Variants in LAD1 observed in about 807,000 individuals in gnomAD.
The protein encoded by LAD1 is ladinin 1, also known as ladinin-1.
A neutral mutation model predicts 54.2 loss-of-function variants in LAD1; 53 were observed. That is an observed-to-expected ratio of 0.98 (90% CI 0.78 to 1.23). The LOEUF (loss-of-function observed/expected upper bound fraction) is 1.23. Ranked by LOEUF, LAD1 falls within the 50% of genes most tolerant of loss-of-function variation. The pLI, the probability that LAD1 is intolerant of heterozygous loss-of-function variation, is 0.00. For synonymous variants in LAD1, 231 were observed against 257.7 expected, an observed-to-expected ratio of 0.90 and a Z score of 0.99; for missense variants, 637 against 653.3, an observed-to-expected ratio of 0.98 and a Z score of 0.27.
Position 201,392,829 on chromosome 1 carries a change from A to G in LAD1, c.39-3526T>C, listed in dbSNP as rs1214000328. ...TTGAAAGGGCCAGGGGAGAGGGGAA[A>G]CAGAGGACCCGTCAGAAGGCACCTG... On this transcript the variant is annotated intron_variant, in intron 1 of 9. Transcript: ENST00000391967. Among the ~76,000 whole-genome samples, 3 of 150,880 alleles carry G rather than the reference A, an allele frequency of 2.0e-5. No homozygotes were observed. In the East Asian group the frequency reaches 5.8e-4, roughly 29 times the overall value.
intron 5 of LAD1, 24 bp from the exon 6 acceptor site, chr1:201,383,413 G>A: frequency 6.2e-7 from 1 of 1,612,958 alleles, no homozygotes; most frequent in Non-Finnish European, 8.5e-7. Flanking sequence ...GATGGAACAG[G>A]CGAGCCAAGT....
At chr1:201,396,728 T>C (rs1662297297) in intron 1 of LAD1, among the ~76,000 whole-genome samples, 1 of 152,164 alleles carries the variant, frequency 6.6e-6, no homozygotes, top group Non-Finnish European at 1.5e-5. Context: ...GCCCATGACC[T>C]TGGCCAGTCT....
At chr1:201,389,446 G>T in intron 1 of LAD1, 143 bp from the exon 2 acceptor site, 2 of 940,202 alleles carry the variant, frequency 2.1e-6, no homozygotes, top group East Asian at 2.6e-5. Flanking sequence ...TTGAAACGTG[G>T]CTGGTGTGAA....
chr1:201,382,743 A>C lies in LAD1; in HGVS notation c.1387-4T>G, dbSNP rs1309281088. 6.3e-6 allele frequency: 10 copies of C among 1,589,864 alleles called. No individual in the cohort carries two copies. Among genetic ancestry groups the C allele is most frequent in the Non-Finnish European group, 8.6e-6 (10 of 1,166,756 alleles). ...CCCCTGAGAGCCTCAAGTTCTCCTA[A>C]AAAGAGAACTTTCCATCTCAGGGTT... is the stretch of plus-strand genomic sequence containing the variant. On this transcript the variant is annotated splice_polypyrimidine_tract_variant and splice_region_variant and intron_variant, in intron 7 of 9. Coordinates refer to ENST00000391967, the MANE Select transcript of LAD1 (RefSeq NM_005558.4).
At position 201,385,818 on chromosome 1, in the gene LAD1, G is replaced by A. The variant is rs976290370; in HGVS notation, c.1027-13C>T. ...TGGGGATTTTCACCTGGATGGAGCA[G>A]GGGGAGTGTCACATAAGAGGTCTAG... On this transcript the variant is annotated splice_polypyrimidine_tract_variant and intron_variant, in intron 3 of 9. Transcript: ENST00000391967. 1.1e-5 allele frequency: 17 copies of A among 1,596,144 alleles called. No individual in the cohort carries two copies. The highest frequency in any genetic ancestry group is 1.3e-5 in the Non-Finnish European group (15 of 1,163,722).
chr1:201,390,380 A>G (rs1324850901), intron 1 of LAD1, among the ~76,000 whole-genome samples: 1 of 151,504 alleles, frequency 6.6e-6, no homozygotes, highest in African/African-American at 2.4e-5. Flanking sequence ...CAAAAAAAAA[A>G]AAAAAAATTA....
rs899636969 is a variant in LAD1 at position 201,389,281 on chromosome 1, C to T, written c.61G>A (p.Glu21Lys). Reference protein sequence around the residue: ...LSSLARQRTLEDEEEQERERR... With the variant: ...LSSLARQRTLKDEEEQERERR... ...TCGCGCTCCTGTTCCTCCTCATCCTCCAGAGTCCTCTGCCGGGCAAGGCTG... is the reference window on the plus strand; with the variant it reads ...TCGCGCTCCTGTTCCTCCTCATCCTTCAGAGTCCTCTGCCGGGCAAGGCTG... Residue 21 changes from glutamate (E) to lysine (K), a missense_variant, in exon 2 of 10, where the codon GAG becomes AAG. Transcript: ENST00000391967. 1.9e-6 allele frequency: 3 copies of T among 1,613,530 alleles called. No homozygotes were observed. The Admixed American group carries it at 5.0e-5, about 27-fold the overall frequency.
At position 201,386,635 on chromosome 1, in the gene LAD1, C is replaced by T. The variant is rs569678759; in HGVS notation, c.726G>A (p.Ser242=). ...AGCCCAGTGCCATCCCTGGGGCCAG[C>T]GACTTCTCAGAGACACTGGTTTTTT... ...VLEKTSVSEK[S]LAPGMALGSG... The change falls in exon 3 of 10, where the codon TCG becomes TCA. Residue 242 remains serine (S), a synonymous_variant. Coordinates refer to ENST00000391967, the MANE Select transcript of LAD1 (RefSeq NM_005558.4). 2.7e-5 allele frequency: 43 copies of T among 1,614,148 alleles called. No individual in the cohort carries two copies. Among genetic ancestry groups the T allele is most frequent in the South Asian group, 1.5e-4 (14 of 91,080 alleles).
chr1:201,389,182 G>T lies in LAD1; in HGVS notation c.160C>A (p.Arg54=). The change falls in exon 2 of 10, where the codon CGG becomes AGG. Residue 54 remains arginine, a synonymous_variant. Transcript: ENST00000391967. ...TACCTCTCAGAAGCAGAGGCCTGCC[G>T]GTCTCCATTCTGGCTGAGCCTGGGA... ...EAPRLSQNGD[R]QASASERLPS... The T allele has an allele frequency of 1.2e-6, 2 of 1,614,164 alleles. No individual in the cohort carries two copies. The highest frequency in any genetic ancestry group is 8.5e-7 in the Non-Finnish European group (1 of 1,179,994).
At chr1:201,399,168 TG>T in intron 1 of LAD1, 100 bp downstream of exon 1, 1 of 987,624 alleles carries the variant, frequency 1.0e-6, no homozygotes. Flanking sequence ...CCAGCCTCAG[TG>T]TCAGGGTCCC....
intron 3 of LAD1, 105 bp from the exon 4 acceptor site, chr1:201,385,910 A>T (rs1662072798): frequency 1.2e-6 from 1 of 820,546 alleles, no homozygotes; most frequent in Admixed American, 1.8e-5. Context: ...AGAGGGGAGA[A>T]TGAGACAGCC....
chr1:201,393,438 A>C (rs550809015), intron 1 of LAD1, among the ~76,000 whole-genome samples: 1 of 152,360 alleles, frequency 6.6e-6, no homozygotes, highest in African/African-American at 2.4e-5. Flanking sequence ...AACTCTTTTG[A>C]GAAGCAAATA....
chr1:201,398,267 A>C (rs1372947025), intron 1 of LAD1, among the ~76,000 whole-genome samples: 2 of 152,164 alleles, frequency 1.3e-5, no homozygotes, highest in Admixed American at 1.3e-4. Flanking sequence ...ACAGGACCCA[A>C]ATGGCTGGAG....
chr1:201,383,741 A>ATGGC (rs1274547148), intron 5 of LAD1, among the ~76,000 whole-genome samples: 1 of 151,976 alleles, frequency 6.6e-6, no homozygotes. Flanking sequence ...AGCTCTCCAC[A>ATGGC]TGGCTGCTCC....
chr1:201,388,334 G>A (rs1244471223), intron 2 of LAD1, among the ~76,000 whole-genome samples: 1 of 151,652 alleles, frequency 6.6e-6, no homozygotes, highest in Non-Finnish European at 1.5e-5. Context: ...GTTGCAGTGA[G>A]CCAAGATTGC....
Position 201,383,185 on chromosome 1 carries a change from A to T in LAD1, c.1275T>A (p.Gly425=), listed in dbSNP as rs1185511780. The T allele has an allele frequency of 6.2e-7, 1 of 1,613,474 alleles. No individual in the cohort carries two copies. The highest frequency in any genetic ancestry group is 2.2e-5 in the East Asian group (1 of 44,842). ...CCACGAATAACTCAGTGCAAGGCAG[A>T]CCCCGAGACTTGACAGATTCTGATC... The part of the protein sequence containing the change: ...IRRSESVKSR[G]LPCTELFVAP... Residue 425 remains glycine (G), a synonymous_variant, in exon 7 of 10, where the codon GGT becomes GGA. Transcript: ENST00000391967.
intron 1 of LAD1, chr1:201,397,414 GCTTCCTGGCA>G (rs1403604991): frequency 2.6e-5 from 4 of 152,396 alleles, no homozygotes; most frequent in Non-Finnish European, 4.4e-5. Flanking sequence ...GTTCCCCAGA[GCTTCCTGGCA>G]CTTACCCTGG....
chr1:201,399,277 C>A lies in LAD1; in HGVS notation c.30G>T (p.Ala10=). The A allele has an allele frequency of 6.4e-7, 1 of 1,550,654 alleles. No individual in the cohort carries two copies. Among genetic ancestry groups the A allele is most frequent in the East Asian group, 2.4e-5 (1 of 42,068 alleles). The change falls in exon 1 of 10, where the codon GCG becomes GCT. Residue 10 remains alanine, a synonymous_variant. Transcript: ENST00000391967. MAVSRKDWS[A]LSSLARQRTL... The stretch of plus-strand genomic sequence containing the variant: ...CTCCCTCCGGCGCTCACCTGGACAG[C>A]GCGGACCAGTCCTTCCTGCTGACAG...
At chr1:201,389,424 G>A (rs1662159666) in intron 1 of LAD1, 121 bp from the exon 2 acceptor site, 4 of 1,145,042 alleles carry the variant, frequency 3.5e-6, no homozygotes, top group Non-Finnish European at 4.8e-6. Flanking sequence ...GCTACTAGCA[G>A]CTCAGAAGTG....
Sources: gnomAD v4.1 joint callset for allele counts (sites outside exome capture counted in the v4.1 genomes callset) on GRCh38, gnomAD v4.1.1 for gene constraint, MANE v1.5 for transcripts, NCBI Gene and HGNC (gene_info 2026-07-23, HGNC 2026-07-21) for gene names.